Variants in MFSD1 observed in about 807,000 individuals in gnomAD.
The protein encoded by MFSD1 is major facilitator superfamily domain containing 1.
Under a neutral mutation model 67.1 loss-of-function variants are expected in MFSD1, and 59 were observed. The ratio of observed to expected loss-of-function variants is 0.88; its 90% CI spans 0.71 to 1.09. The LOEUF (loss-of-function observed/expected upper bound fraction) is 1.09, where lower values mean the gene tolerates loss of function less well. Among genes scored for constraint, MFSD1 ranks in the 50% least tolerant of loss-of-function variants. The probability of loss-of-function intolerance (pLI) is 0.00; values close to 1 mark genes in which losing one functional copy is unlikely to be tolerated. For synonymous variants in MFSD1, 213 were observed against 200.3 expected (o/e 1.06, Z -0.54); for missense variants, 552 against 566.1 (o/e 0.97, Z 0.25).
intron 9 of MFSD1, 107 bp from the exon 10 acceptor site, chr3:158,821,490 A>C (rs1730664402): frequency 5.6e-6 from 4 of 714,278 alleles, no homozygotes; most frequent in Non-Finnish European, 9.5e-6. Context: ...GGAGAATAAT[A>C]TCAAGAAAGA....
Position 158,829,137 on chromosome 3 carries a change from A to C in MFSD1, c.*155A>C, listed in dbSNP as rs547757067. The C allele has an allele frequency of 8.5e-5, 49 of 573,782 alleles. No homozygotes were observed. The highest frequency in any genetic ancestry group is 7.9e-4 in the African/African-American group (41 of 51,840). 35.5% of individuals were successfully genotyped at this position (573,782 alleles called of 1,614,324 possible). On this transcript the variant is annotated 3_prime_UTR_variant, in exon 16 of 16. Coordinates refer to ENST00000415822, the MANE Select transcript of MFSD1 (RefSeq NM_022736.4). ...ATACCTATTTCAAAGTGTATTTGTG[A>C]GGCCTGTTTTAGCCTGTGTCTTTTG...
Position 158,814,044 on chromosome 3 carries a change from C to CA in MFSD1, c.629_630insA (p.Leu211ProfsTer35). On this transcript the variant is annotated frameshift_variant, in exon 7 of 16. Coordinates refer to ENST00000415822, the MANE Select transcript of MFSD1 (RefSeq NM_022736.4). LOFTEE classifies it high-confidence loss of function. ...TTGTTAGGTTCTGCTGGTCACACAACCCTCGGGATCACACTTATGATTGGT... is the reference window on the plus strand; with the variant it reads ...TTGTTAGGTTCTGCTGGTCACACAACACCTCGGGATCACACTTATGATTGGT... The CA allele has an allele frequency of 6.2e-7, 1 of 1,613,442 alleles. No individual in the cohort carries two copies. Among genetic ancestry groups the CA allele is most frequent in the Non-Finnish European group, 8.5e-7 (1 of 1,179,600 alleles).
intron 15 of MFSD1, among the ~76,000 whole-genome samples, chr3:158,827,976 G>GAGAGAGAGAGACAGAC (rs1553759912): frequency 3.8e-5 from 3 of 78,866 alleles, no homozygotes; most frequent in Non-Finnish European, 5.0e-5. Flanking sequence ...GAGAGAGAGA[G>GAGAGAGAGAGACAGAC]AGACAGAGAT....
At chr3:158,828,041 G>A (rs1576919618) in intron 15 of MFSD1, among the ~76,000 whole-genome samples, 1 of 151,668 alleles carries the variant, frequency 6.6e-6, no homozygotes, top group East Asian at 1.9e-4. Flanking sequence ...TGAGGTCCTG[G>A]ACTGGGCTTA....
intron 13 of MFSD1, among the ~76,000 whole-genome samples, chr3:158,825,635 C>T (rs1730927179): frequency 6.6e-6 from 1 of 152,148 alleles, no homozygotes; most frequent in Non-Finnish European, 1.5e-5. Flanking sequence ...CAAAAGACTA[C>T]TATTTGGCTT....
rs374351359 is a variant in MFSD1, at chr3:158,802,112, G to T, written c.-41G>T. The stretch of plus-strand genomic sequence containing the variant: ...GGGCGCTGCTTCCTGCCTGGGTTTG[G>T]AGTTGTCACCACTTTCCCCTCTCCG... On this transcript the variant is annotated 5_prime_UTR_variant, in exon 1 of 16. Transcript: ENST00000415822. 1.9e-6 allele frequency: 3 copies of T among 1,606,276 alleles called. No individual in the cohort carries two copies. The African/African-American group carries it at 4.0e-5, about 21-fold the overall frequency.
intron 13 of MFSD1, among the ~76,000 whole-genome samples, chr3:158,824,649 GT>G (rs1730864152): frequency 6.6e-6 from 1 of 152,022 alleles, no homozygotes; most frequent in South Asian, 2.1e-4. Context: ...AATTTCATTG[GT>G]TTGAAATTGG....
Position 158,804,389 on chromosome 3 carries a change from T to G in MFSD1, c.216+18T>G. ...TTAAACGAGTAAGTTGATTTTTCACTCTTGTTTCTTTTGTTTTCTTTAGAG... is the reference window on the plus strand; with the variant it reads ...TTAAACGAGTAAGTTGATTTTTCACGCTTGTTTCTTTTGTTTTCTTTAGAG... On this transcript the variant is annotated intron_variant, in intron 2 of 15. Coordinates refer to ENST00000415822, the MANE Select transcript of MFSD1 (RefSeq NM_022736.4). The G allele has an allele frequency of 6.2e-7, 1 of 1,605,278 alleles. No homozygotes were observed. Among genetic ancestry groups the G allele is most frequent in the Non-Finnish European group, 8.5e-7 (1 of 1,174,898 alleles).
intron 15 of MFSD1, among the ~76,000 whole-genome samples, chr3:158,827,929 AGAGAGAGAGAGAGGGG>A (rs1415185070): frequency 0.014 from 212 of 14,872 alleles, 5 homozygotes; most frequent in South Asian, 0.036. Flanking sequence ...AGAGAGAGAG[AGAGAGAGAGAGAGGGG>A]GAGAGAGAGA....
In MFSD1 at chr3:158,805,436, C is replaced by T; in HGVS notation, c.291C>T (p.Phe97=). The change falls in exon 3 of 16, where the codon TTC becomes TTT. Residue 97 remains phenylalanine (F), a synonymous_variant. Transcript: ENST00000415822. ...CTTGGCCCAATGTAGTTTTGTGTTT[C>T]TTTGGTGGCTTTTTGATAGACCGAG... The part of the protein sequence containing the change: ...WYSWPNVVLC[F]FGGFLIDRVF... 3 of 1,613,952 alleles carry T rather than the reference C, an allele frequency of 1.9e-6. No homozygotes were observed.
At chr3:158,826,152 A>T (rs1430851939) in intron 14 of MFSD1, 90 bp downstream of exon 14, 2 of 949,242 alleles carry the variant, frequency 2.1e-6, no homozygotes, top group South Asian at 1.3e-5. Context: ...CCAGTGCTTT[A>T]TTCCATGCAG....
chr3:158,826,786 G>A (rs2108238837), intron 14 of MFSD1, among the ~76,000 whole-genome samples: 1 of 151,564 alleles, frequency 6.6e-6, no homozygotes, highest in Non-Finnish European at 1.5e-5. Context: ...TCCCACTTTA[G>A]CCTCCCAAAC....
chr3:158,807,448 G>A lies in MFSD1; in HGVS notation c.425G>A (p.Gly142Glu). 6.2e-7 allele frequency: 1 copy of A among 1,612,078 alleles called. No individual in the cohort carries two copies. Among genetic ancestry groups the A allele is most frequent in the Non-Finnish European group, 8.5e-7 (1 of 1,178,426 alleles). ...AATGCTTTTTGGCTGATGGAATTTG[G>A]AAGATTTGTATTTGGGTAAGTTATG... ...IFNAFWLMEF[G>E]RFVFGIGGES... Residue 142 changes from glycine to glutamate, a missense_variant, in exon 5 of 16, where the codon GGA becomes GAA. Gly to Glu is a moderately conservative substitution (Grantham distance 98, BLOSUM62 -2). Transcript: ENST00000415822.
At chr3:158,814,187 G>T in intron 7 of MFSD1, 120 bp downstream of exon 7, 1 of 626,944 alleles carries the variant, frequency 1.6e-6, no homozygotes, top group South Asian at 2.0e-5. Flanking sequence ...TTGTCTCCAT[G>T]GTTCTAATGA....
intron 5 of MFSD1, among the ~76,000 whole-genome samples, chr3:158,808,105 G>C (rs1334443276): frequency 6.6e-6 from 1 of 152,200 alleles, no homozygotes; most frequent in African/African-American, 2.4e-5. Context: ...GTAACCGTCA[G>C]TGAGAGAGAA....
At chr3:158,826,255 C>T (rs1730960892) in intron 14 of MFSD1, among the ~76,000 whole-genome samples, 193 bp downstream of exon 14, 1 of 152,018 alleles carries the variant, frequency 6.6e-6, no homozygotes, top group South Asian at 2.1e-4. Context: ...AGATTGCTGT[C>T]ATTTTTTAAA....
At chr3:158,827,706 G>T (rs1731056522) in intron 15 of MFSD1, among the ~76,000 whole-genome samples, 1 of 152,022 alleles carries the variant, frequency 6.6e-6, no homozygotes, top group Non-Finnish European at 1.5e-5. Context: ...GTGAGCCACT[G>T]CGCCTGGCCT....
intron 5 of MFSD1, among the ~76,000 whole-genome samples, chr3:158,808,552 C>G (rs967120456): frequency 7.2e-5 from 11 of 152,158 alleles, no homozygotes; most frequent in African/African-American, 2.4e-4. Context: ...CCCACATCTG[C>G]ATTTTATATA....
At chr3:158,828,462 A>G (rs1468988422) in intron 15 of MFSD1, among the ~76,000 whole-genome samples, 2 of 152,062 alleles carry the variant, frequency 1.3e-5, no homozygotes, top group East Asian at 3.8e-4. Context: ...TATCTTTATG[A>G]TAGTCATATT....
Sources: gnomAD v4.1 joint callset for allele counts (sites outside exome capture counted in the v4.1 genomes callset) on GRCh38, gnomAD v4.1.1 for gene constraint, MANE v1.5 for transcripts, NCBI Gene and HGNC (gene_info 2026-07-23, HGNC 2026-07-21) for gene names.